The following GNAZ variants were observed in gnomAD, a reference collection of about 807,000 sequenced individuals.
GNAZ encodes G protein subunit alpha z.
A neutral mutation model predicts 25.4 loss-of-function variants in GNAZ; 3 were observed. The observed-to-expected ratio is 0.12, with a 90% CI of 0.05 to 0.30. The LOEUF (loss-of-function observed/expected upper bound fraction) is 0.30, where lower values mean the gene tolerates loss of function less well. Among genes scored for constraint, GNAZ ranks in the 10% least tolerant of loss-of-function variants. The pLI, the probability that GNAZ is intolerant of heterozygous loss-of-function variation, is 1.00. For missense variants in GNAZ, 241 were observed against 501.8 expected, an observed-to-expected ratio of 0.48 and a Z score of 4.97; for synonymous variants, 211 against 205.7, an observed-to-expected ratio of 1.03 and a Z score of -0.22.
At chr22:23,092,827 C>T (rs2069021445) in intron 1 of GNAZ, among the ~76,000 whole-genome samples, 1 of 152,326 alleles carries the variant, frequency 6.6e-6, no homozygotes, top group East Asian at 1.9e-4. Flanking sequence ...ACAGAAGGGG[C>T]GCCTGGCTGT....
At chr22:23,112,088 C>A (rs1187630680) in intron 2 of GNAZ, among the ~76,000 whole-genome samples, 1 of 152,188 alleles carries the variant, frequency 6.6e-6, no homozygotes, top group Non-Finnish European at 1.5e-5. Context: ...ATGCAGGGAC[C>A]AGGAGGGCCA....
chr22:23,098,456 TG>T (rs1321823587), intron 2 of GNAZ, among the ~76,000 whole-genome samples: 1 of 152,108 alleles, frequency 6.6e-6, no homozygotes, highest in African/African-American at 2.4e-5. Context: ...GGCCTGTCCC[TG>T]GGGAGAGCCA....
At chr22:23,123,045 C>G in intron 2 of GNAZ, 42 bp from the exon 3 acceptor site, 4 of 1,353,370 alleles carry the variant, frequency 3.0e-6, no homozygotes, top group Non-Finnish European at 4.2e-6. Flanking sequence ...CTGTCTCTGC[C>G]TGCTGCGGGC....
At chr22:23,096,943 C>T (rs774001275) in intron 2 of GNAZ, among the ~76,000 whole-genome samples, 23 of 152,124 alleles carry the variant, frequency 1.5e-4, no homozygotes, top group African/African-American at 5.1e-4. Flanking sequence ...CAGTGTGAAG[C>T]GGTGGGGGCT....
intron 2 of GNAZ, among the ~76,000 whole-genome samples, chr22:23,097,698 G>A (rs937814716): frequency 6.6e-6 from 1 of 152,266 alleles, no homozygotes; most frequent in African/African-American, 2.4e-5. Context: ...TGTGGTTCTG[G>A]GCAGAGGGGA....
chr22:23,087,020 G>C (rs1009618308), intron 1 of GNAZ, among the ~76,000 whole-genome samples: 1 of 152,218 alleles, frequency 6.6e-6, no homozygotes, highest in Non-Finnish European at 1.5e-5. Flanking sequence ...AAGGGCAGTG[G>C]AAAGTGCTTC....
At chr22:23,108,493 G>A (rs548507564) in intron 2 of GNAZ, among the ~76,000 whole-genome samples, 15 of 152,148 alleles carry the variant, frequency 9.9e-5, no homozygotes, top group Non-Finnish European at 1.6e-4. Flanking sequence ...GGAGACAGCC[G>A]GGAGAGGCCT....
At chr22:23,092,423 A>G (rs1293485027) in intron 1 of GNAZ, among the ~76,000 whole-genome samples, 1 of 152,054 alleles carries the variant, frequency 6.6e-6, no homozygotes, top group African/African-American at 2.4e-5. Flanking sequence ...ACAGAGCCGC[A>G]GGGAGAATTC....
At position 23,124,545 on chromosome 22, in the gene GNAZ, G is replaced by T. The variant is rs75987287; in HGVS notation, c.*1114G>T. 3.7e-6 allele frequency: 1 copy of T among 272,728 alleles called. No homozygotes were observed. Among genetic ancestry groups the T allele is most frequent in the Non-Finnish European group, 8.3e-6 (1 of 120,604 alleles). 16.9% of individuals were successfully genotyped at this position (272,728 alleles called of 1,614,324 possible). On this transcript the variant is annotated 3_prime_UTR_variant, in exon 3 of 3. Transcript: ENST00000615612. ...AATAAACACGACATATTTAAAGAAGGTTCTTTCACCTGGGAGCAAATGAAC... is the reference window on the plus strand; with the variant it reads ...AATAAACACGACATATTTAAAGAAGTTTCTTTCACCTGGGAGCAAATGAAC...
At position 23,123,428 on chromosome 22, in the gene GNAZ, C is replaced by T. The variant is rs768413323; in HGVS notation, c.1065C>T (p.Cys355=). 2.5e-6 allele frequency: 4 copies of T among 1,604,342 alleles called. No individual in the cohort carries two copies. In the African/African-American group the frequency reaches 5.4e-5, roughly 21 times the overall value. The part of the protein sequence containing the change: ...IQNNLKYIGL[C] ...ACAATCTCAAGTACATTGGCCTTTG[C>T]TGAGGAGCTGGGCCCGGGGCCCGCC... The change falls in exon 3 of 3, where the codon TGC becomes TGT. Residue 355 remains cysteine (C), a synonymous_variant. Coordinates refer to ENST00000615612, the MANE Select transcript of GNAZ (RefSeq NM_002073.4).
rs948106458 is a variant in GNAZ at position 23,089,030 on chromosome 22, G to A, written c.-449-6217G>A. On this transcript the variant is annotated intron_variant, in intron 1 of 2. Coordinates refer to ENST00000615612, the MANE Select transcript of GNAZ (RefSeq NM_002073.4). Reference sequence around the variant, plus strand: ...GGTCTGTGTGTTGAACCATCACTTCGTCTTGGCTCACTCTTTCCGTCGCCC... The same window carrying A: ...GGTCTGTGTGTTGAACCATCACTTCATCTTGGCTCACTCTTTCCGTCGCCC... 4.6e-5 allele frequency among the ~76,000 whole-genome samples: 7 copies of A among 152,158 alleles called. No homozygotes were observed. In the East Asian group the frequency reaches 5.8e-4, roughly 13 times the overall value.
chr22:23,072,448 G>A (rs563426887), intron 1 of GNAZ, among the ~76,000 whole-genome samples: 2 of 152,320 alleles, frequency 1.3e-5, no homozygotes, highest in South Asian at 4.1e-4. Context: ...TGAGACAGGA[G>A]GTGAATAAGA....
chr22:23,096,671 C>G (rs756096656), intron 2 of GNAZ, among the ~76,000 whole-genome samples: 1 of 152,150 alleles, frequency 6.6e-6, no homozygotes, highest in Non-Finnish European at 1.5e-5. Context: ...TGTGAGGCTC[C>G]GCCGGGCATC....
intron 2 of GNAZ, among the ~76,000 whole-genome samples, chr22:23,117,239 G>A (rs1242179385): frequency 2.0e-5 from 2 of 100,822 alleles, no homozygotes; most frequent in South Asian, 2.6e-4. Flanking sequence ...GGCCTGATGG[G>A]GAATGAGAGG....
At position 23,106,318 on chromosome 22, in the gene GNAZ, T is replaced by C. The variant is rs372757218; in HGVS notation, c.723+9900T>C. Among the ~76,000 whole-genome samples, 18 of 152,360 alleles carry C rather than the reference T, an allele frequency of 1.2e-4. No individual in the cohort carries two copies. The East Asian group carries it at 3.5e-3, about 29-fold the overall frequency. On this transcript the variant is annotated intron_variant, in intron 2 of 2. Transcript: ENST00000615612. ...TGCTGGAGAACAGCAGCCACCCACCTGCAGGGCTGGACAGGGGTGCCAACA... is the reference window on the plus strand; with the variant it reads ...TGCTGGAGAACAGCAGCCACCCACCCGCAGGGCTGGACAGGGGTGCCAACA...
chr22:23,091,177 C>T (rs1332382781), intron 1 of GNAZ, among the ~76,000 whole-genome samples: 1 of 152,236 alleles, frequency 6.6e-6, no homozygotes, highest in Non-Finnish European at 1.5e-5. Flanking sequence ...TGTACATGGA[C>T]CTGCTCACAG....
chr22:23,113,668 C>T (rs2069725351), intron 2 of GNAZ, among the ~76,000 whole-genome samples: 2 of 152,250 alleles, frequency 1.3e-5, no homozygotes, highest in African/African-American at 4.8e-5. Flanking sequence ...ACAGGCCCCT[C>T]CACTCGGTAC....
chr22:23,078,767 TGTATGTGGG>T (rs2068582837), intron 1 of GNAZ, among the ~76,000 whole-genome samples: 1 of 151,978 alleles, frequency 6.6e-6, no homozygotes, highest in Non-Finnish European at 1.5e-5. Context: ...GGCCATGCAA[TGTATGTGGG>T]GTGGGAGCAC....
At chr22:23,102,536 T>G (rs2069334197) in intron 2 of GNAZ, among the ~76,000 whole-genome samples, 1 of 152,144 alleles carries the variant, frequency 6.6e-6, no homozygotes, top group Non-Finnish European at 1.5e-5. Flanking sequence ...GGGTAGGTCC[T>G]TGGTCAGAGG....
Sources: gnomAD v4.1 joint callset for allele counts (sites outside exome capture counted in the v4.1 genomes callset) on GRCh38, gnomAD v4.1.1 for gene constraint, MANE v1.5 for transcripts, NCBI Gene and HGNC (gene_info 2026-07-23, HGNC 2026-07-21) for gene names.